Variants in VRK3 observed in about 807,000 individuals in gnomAD.
VRK3 encodes the protein VRK serine/threonine kinase 3, also known as serine/threonine-protein kinase VRK3.
Under a neutral mutation model 60.4 loss-of-function variants are expected in VRK3, and 50 were observed. The observed-to-expected ratio is 0.83, with a 90% CI of 0.66 to 1.05. The LOEUF is 1.05. Among genes scored for constraint, VRK3 ranks in the 50% least tolerant of loss-of-function variants. The pLI is 0.00. For missense variants in VRK3, 549 were observed against 585.3 expected, an observed-to-expected ratio of 0.94 and a Z score of 0.64; for synonymous variants, 246 against 227.8, an observed-to-expected ratio of 1.08 and a Z score of -0.72.
intron 12 of VRK3, 100 bp from the exon 13 acceptor site, chr19:49,981,113 A>G: frequency 9.5e-7 from 1 of 1,050,852 alleles, no homozygotes; most frequent in Non-Finnish European, 1.4e-6. Context: ...AGATATATAC[A>G]CAGTCCCCTC....
chr19:49,992,816 C>T (rs763995457), intron 10 of VRK3, 44 bp downstream of exon 10: 3 of 1,582,094 alleles, frequency 1.9e-6, no homozygotes, highest in South Asian at 2.2e-5. Context: ...AGATGGGAAC[C>T]TGAGCCCAGA....
At chr19:50,000,436 G>C (rs963582498) in intron 6 of VRK3, 1 of 321,812 alleles carries the variant, frequency 3.1e-6, no homozygotes, top group African/African-American at 2.2e-5. Context: ...GTAGGTGCTC[G>C]ATACGAGCAC....
intron 10 of VRK3, among the ~76,000 whole-genome samples, chr19:49,991,558 G>A (rs11667524): frequency 0.12 from 18,362 of 147,700 alleles, 1,434 homozygotes; most frequent in East Asian, 0.29. Flanking sequence ...CACCCTGCCA[G>A]TTCTGTTTCT....
At position 50,005,762 on chromosome 19, in the gene VRK3, C is replaced by T. The variant is rs147271862; in HGVS notation, c.547+1807G>A. On this transcript the variant is annotated intron_variant, in intron 5 of 14. Transcript: ENST00000316763. ...GCACACGCCGCTGGGTGAGGGATGC[C>T]AGACACAAGAGGCCACACAGCGCAG... Among the ~76,000 whole-genome samples the T allele has an allele frequency of 1.5e-4, 22 of 149,764 alleles. 5 individuals are homozygous for T. The highest frequency in any genetic ancestry group is 5.6e-4 in the African/African-American group (22 of 39,046).
chr19:50,003,695 T>C (rs1353059275), intron 5 of VRK3, among the ~76,000 whole-genome samples: 2 of 152,262 alleles, frequency 1.3e-5, no homozygotes, highest in African/African-American at 2.4e-5. Context: ...TGTTATTGCT[T>C]TAAATTACGG....
intron 12 of VRK3, among the ~76,000 whole-genome samples, chr19:49,985,498 G>A (rs561763816): frequency 1.1e-4 from 16 of 152,180 alleles, no homozygotes; most frequent in South Asian, 1.0e-3. Context: ...GGTCCTTCAG[G>A]GGGCATTTTA....
At chr19:50,010,514 A>T (rs2076976800) in intron 3 of VRK3, among the ~76,000 whole-genome samples, 1 of 152,254 alleles carries the variant, frequency 6.6e-6, no homozygotes, top group African/African-American at 2.4e-5. Flanking sequence ...TGGTACCCAC[A>T]TCTCACCACT....
chr19:49,994,240 G>A (rs919249901), intron 9 of VRK3, among the ~76,000 whole-genome samples: 2 of 152,134 alleles, frequency 1.3e-5, no homozygotes, highest in African/African-American at 4.8e-5. Context: ...CATAGTTTGT[G>A]CAACTGTTTG....
In VRK3 at chr19:49,981,833, C is replaced by T. The variant is rs146339570; in HGVS notation, c.1218-820G>A. On this transcript the variant is annotated intron_variant, in intron 12 of 14. Transcript: ENST00000316763. ...ACACACGCACACTGGTCAGGGAGCT[C>T]GTGGCTGTGAGGGGCCAATGGGCGG... The T allele has an allele frequency of 2.9e-4, 346 of 1,190,322 alleles. 3 individuals carry two copies. The East Asian group carries it at 0.012, about 43-fold the overall frequency. The allele number at this position is 1,190,322 out of a possible 1,614,324, so 73.7% of individuals were successfully genotyped here.
chr19:50,009,135 T>C, intron 4 of VRK3, 101 bp downstream of exon 4: 1 of 1,374,184 alleles, frequency 7.3e-7, no homozygotes, highest in Non-Finnish European at 1.0e-6. Context: ...CAGGGATGGA[T>C]GATGTTTGAG....
At chr19:49,981,667 C>T (rs988263140) in intron 12 of VRK3, 14 of 981,042 alleles carry the variant, frequency 1.4e-5, no homozygotes, top group South Asian at 4.6e-5. Context: ...ATCCTTAAGA[C>T]GGAGAGGATC....
chr19:49,985,218 TG>T (rs1398546888), intron 12 of VRK3, among the ~76,000 whole-genome samples: 1 of 152,194 alleles, frequency 6.6e-6, no homozygotes, highest in Non-Finnish European at 1.5e-5. Flanking sequence ...CGTTTTCACC[TG>T]GCTTCATTTC....
chr19:49,996,537 G>C (rs1430015880), intron 7 of VRK3, among the ~76,000 whole-genome samples: 1 of 152,152 alleles, frequency 6.6e-6, no homozygotes, highest in East Asian at 1.9e-4. Flanking sequence ...AGGACATGTA[G>C]GAAATAATTA....
At chr19:49,977,414 T>A (rs555109209) in intron 14 of VRK3, among the ~76,000 whole-genome samples, 1 of 152,094 alleles carries the variant, frequency 6.6e-6, no homozygotes, top group Non-Finnish European at 1.5e-5. Flanking sequence ...TGTGAGACGG[T>A]GGAGACCCTG....
At chr19:49,977,592 C>T (rs954842805) in intron 14 of VRK3, among the ~76,000 whole-genome samples, 3 of 152,074 alleles carry the variant, frequency 2.0e-5, no homozygotes, top group African/African-American at 2.4e-5. Flanking sequence ...GAGTCAGACG[C>T]GACCCTGCCC....
chr19:49,987,217 G>A (rs945409434), intron 12 of VRK3, among the ~76,000 whole-genome samples: 2 of 152,162 alleles, frequency 1.3e-5, no homozygotes, highest in African/African-American at 4.8e-5. Flanking sequence ...TAGCACGCCC[G>A]CTAGGATCAG....
intron 1 of VRK3, among the ~76,000 whole-genome samples, chr19:50,023,653 T>C (rs2077207097): frequency 6.6e-6 from 1 of 152,066 alleles, no homozygotes; most frequent in Non-Finnish European, 1.5e-5. Flanking sequence ...CAAACAGGCC[T>C]GGCACAGAGC....
Position 50,016,112 on chromosome 19 carries a change from T to C in VRK3, c.51A>G (p.Lys17=), listed in dbSNP as rs1006204473. 6.2e-7 allele frequency: 1 copy of C among 1,614,222 alleles called. No homozygotes were observed. The highest frequency in any genetic ancestry group is 8.5e-7 in the Non-Finnish European group (1 of 1,180,048). Residue 17 remains lysine, a synonymous_variant, in exon 3 of 15, where the codon AAA becomes AAG. Coordinates refer to ENST00000316763, the MANE Select transcript of VRK3 (RefSeq NM_016440.4). Reference sequence around the variant, plus strand: ...AAGAATTTCCACAGTAGGGGCAGAATTTGAATGCCGCTTGGATACTTTTGC... The same window carrying C: ...AAGAATTTCCACAGTAGGGGCAGAACTTGAATGCCGCTTGGATACTTTTGC... The part of the protein sequence containing the change: ...DCGKSIQAAF[K]FCPYCGNSLP...
At chr19:49,988,889 C>T (rs976723774) in intron 11 of VRK3, among the ~76,000 whole-genome samples, 1 of 152,174 alleles carries the variant, frequency 6.6e-6, no homozygotes, top group Non-Finnish European at 1.5e-5. Flanking sequence ...TGACAAAGGA[C>T]ACAGAACACA....
Sources: allele counts gnomAD v4.1 joint callset (sites outside exome capture counted in the v4.1 genomes callset), GRCh38; gene constraint gnomAD v4.1.1; transcripts MANE v1.5; gene names NCBI Gene and HGNC (gene_info 2026-07-23, HGNC 2026-07-21).